REM2: variants seen among roughly 807,000 people sequenced by gnomAD.
The protein encoded by REM2 is RRAD and GEM like GTPase 2.
REM2 carries 24 observed loss-of-function variants against 24.4 expected under a neutral mutation model. That is an observed-to-expected ratio of 0.98 (90% CI 0.71 to 1.38). The LOEUF (loss-of-function observed/expected upper bound fraction) is 1.38. Among genes scored for constraint, REM2 ranks in the 40% most tolerant of loss-of-function variants. The pLI is 0.00. For missense variants in REM2, 429 were observed against 467.8 expected (o/e 0.92, Z 0.77); for synonymous variants, 187 against 198.0 (o/e 0.94, Z 0.47).
In REM2 at chr14:22,886,677, A is replaced by G. The variant is rs2040133042; in HGVS notation, c.791A>G (p.His264Arg). Residue 264 changes from histidine (H) to arginine (R), a missense_variant, in exon 5 of 5, where the codon CAC becomes CGC. By Grantham distance (29) the His-to-Arg change is conservative (BLOSUM62 0). Transcript: ENST00000267396. This position sits in a 1 kb window ranked among gnomAD's most constrained non-coding sequence, Gnocchi z 5.9. ...ATCGAGACGTCGGCCGCACTGCACC[A>G]CAACACGAGGGAGCTCTTCGAGGGC... is the stretch of plus-strand genomic sequence containing the variant. ...KHIETSAALH[H>R]NTRELFEGAV... The G allele has an allele frequency of 6.7e-7, 1 of 1,484,666 alleles. No homozygotes were observed. Among genetic ancestry groups the G allele is most frequent in the Admixed American group, 2.6e-5 (1 of 38,422 alleles). The allele number at this position is 1,484,666 out of a possible 1,614,324, so 92.0% of individuals were successfully genotyped here.
Position 22,886,482 on chromosome 14 carries a change from G to A in REM2, c.728-132G>A. The A allele has an allele frequency of 1.1e-6, 1 of 878,038 alleles. No individual in the cohort carries two copies. The highest frequency in any genetic ancestry group is 2.9e-5 in the Admixed American group (1 of 34,436). The allele number at this position is 878,038 out of a possible 1,614,324, so 54.4% of individuals were successfully genotyped here. On this transcript the variant is annotated intron_variant, in intron 4 of 4. Transcript: ENST00000267396. The surrounding 1 kb of genome is among the most constrained non-coding windows in gnomAD (Gnocchi z 5.9). ...TCCACAGACCCACCATATGAGCTCA[G>A]CCATGTTCTCTCGGTTGCAAGATTC...
Position 22,884,771 on chromosome 14 carries a change from C to G in REM2, c.201C>G (p.Gly67=). The change falls in exon 2 of 5, where the codon GGC becomes GGG. Residue 67 remains glycine, a synonymous_variant. Transcript: ENST00000267396. ...CCCCTGGGGCCCCCAGACGAAGAGG[C>G]AGTATGCCTGTCCCCTACAAGCACC... ...PSAPGAPRRR[G]SMPVPYKHQL... is the part of the protein sequence containing the mutation. 1.2e-6 allele frequency: 2 copies of G among 1,614,002 alleles called. No homozygotes were observed. Among genetic ancestry groups the G allele is most frequent in the Non-Finnish European group, 1.7e-6 (2 of 1,179,882 alleles).
chr14:22,886,599 G>T lies in REM2; in HGVS notation c.728-15G>T, dbSNP rs933058785. Reference sequence around the variant, plus strand: ...GTACAGCCCAGCGGGCGCCTGAGCCGGTGCCTTCCTGCAGAGGGCCGCCAC... The same window carrying T: ...GTACAGCCCAGCGGGCGCCTGAGCCTGTGCCTTCCTGCAGAGGGCCGCCAC... On this transcript the variant is annotated splice_polypyrimidine_tract_variant and intron_variant, in intron 4 of 4. Coordinates refer to ENST00000267396, the MANE Select transcript of REM2 (RefSeq NM_173527.3). The surrounding 1 kb of genome is among the most constrained non-coding windows in gnomAD (Gnocchi z 5.9). 6.9e-7 allele frequency: 1 copy of T among 1,444,698 alleles called. No homozygotes were observed. Among genetic ancestry groups the T allele is most frequent in the African/African-American group, 1.4e-5 (1 of 69,524 alleles). The allele number at this position is 1,444,698 out of a possible 1,614,324, so 89.5% of individuals were successfully genotyped here.
chr14:22,885,224 A>G (rs1344049425), intron 2 of REM2, 42 bp from the exon 3 acceptor site: 1 of 1,570,646 alleles, frequency 6.4e-7, no homozygotes, highest in Non-Finnish European at 8.8e-7. Context: ...ATGTTGGGAA[A>G]CCTCCTAATG....
chr14:22,884,531 T>G, intron 1 of REM2, 143 bp from the exon 2 acceptor site: 2 of 1,433,086 alleles, frequency 1.4e-6, no homozygotes, highest in Middle Eastern at 4.0e-4. Context: ...AGGCCAGACA[T>G]TCTCAGTTCC....
intron 2 of REM2, 55 bp from the exon 3 acceptor site, chr14:22,885,211 C>A (rs996668778): frequency 4.8e-5 from 74 of 1,539,208 alleles, no homozygotes; most frequent in Non-Finnish European, 6.4e-5. Flanking sequence ...CCAGGTCTCA[C>A]AAATGTTGGG....
Position 22,886,023 on chromosome 14 carries a change from G to GGGGGATGC in REM2, c.520_527dup (p.Gly178MetfsTer77). The GGGGGATGC allele has an allele frequency of 6.2e-7, 1 of 1,613,286 alleles. No homozygotes were observed. Among genetic ancestry groups the GGGGGATGC allele is most frequent in the Non-Finnish European group, 8.5e-7 (1 of 1,179,274 alleles). The stretch of plus-strand genomic sequence containing the variant: ...CCTAACGTTCCTCTGCCTGTCTGCA[G>GGGGGATGC]GGGGATGCAGGAGGGTGGCTGCGGG... On this transcript the variant is annotated frameshift_variant and splice_region_variant. Coordinates refer to ENST00000267396, the MANE Select transcript of REM2 (RefSeq NM_173527.3). LOFTEE classifies it high-confidence loss of function. This position sits in a 1 kb window ranked among gnomAD's most constrained non-coding sequence, Gnocchi z 5.9.
chr14:22,886,589 C>T lies in REM2; in HGVS notation c.728-25C>T. On this transcript the variant is annotated intron_variant, in intron 4 of 4. Transcript: ENST00000267396. The surrounding 1 kb of genome is among the most constrained non-coding windows in gnomAD (Gnocchi z 5.9). ...CCCGGGTCCCGTACAGCCCAGCGGG[C>T]GCCTGAGCCGGTGCCTTCCTGCAGA... 3 of 1,444,666 alleles carry T rather than the reference C, an allele frequency of 2.1e-6. No homozygotes were observed. The highest frequency in any genetic ancestry group is 2.9e-5 in the African/African-American group (2 of 69,576). The allele number at this position is 1,444,666 out of a possible 1,614,324, so 89.5% of individuals were successfully genotyped here.
In REM2 at chr14:22,886,023, G is replaced by C. The variant is rs199825150; in HGVS notation, c.520-1G>C. On this transcript the variant is annotated splice_acceptor_variant, in intron 3 of 4. Coordinates refer to ENST00000267396, the MANE Select transcript of REM2 (RefSeq NM_173527.3). LOFTEE classifies it high-confidence loss of function. This position sits in a 1 kb window ranked among gnomAD's most constrained non-coding sequence, Gnocchi z 5.9. ...CCTAACGTTCCTCTGCCTGTCTGCA[G>C]GGGGATGCAGGAGGGTGGCTGCGGG... 1.3e-4 allele frequency: 217 copies of C among 1,613,170 alleles called. No homozygotes were observed. Among genetic ancestry groups the C allele is most frequent in the Admixed American group, 3.3e-4 (20 of 60,000 alleles).
chr14:22,883,926 A>ATC (rs1380489303), intron 1 of REM2, among the ~76,000 whole-genome samples: 1 of 135,636 alleles, frequency 7.4e-6, no homozygotes, highest in African/African-American at 2.8e-5. Context: ...CACACACACT[A>ATC]TCTCTCTCTC....
At position 22,886,687 on chromosome 14, in the gene REM2, G is replaced by T. The variant is rs2040133205; in HGVS notation, c.801G>T (p.Arg267Ser). 1.3e-6 allele frequency: 2 copies of T among 1,498,746 alleles called. No individual in the cohort carries two copies. The highest frequency in any genetic ancestry group is 5.0e-5 in the East Asian group (2 of 39,938). The allele number at this position is 1,498,746 out of a possible 1,614,324, so 92.8% of individuals were successfully genotyped here. ...CGGCCGCACTGCACCACAACACGAG[G>T]GAGCTCTTCGAGGGCGCGGTGCGCC... Reference protein sequence around the residue: ...ETSAALHHNTRELFEGAVRQI... With the variant: ...ETSAALHHNTSELFEGAVRQI... Residue 267 changes from arginine to serine, a missense_variant, in exon 5 of 5, where the codon AGG becomes AGT. Physicochemically the swap from Arg to Ser is moderately radical, Grantham distance 110. Transcript: ENST00000267396. This position sits in a 1 kb window ranked among gnomAD's most constrained non-coding sequence, Gnocchi z 5.9.
At chr14:22,885,070 A>T (rs753613672) in intron 2 of REM2, 55 bp downstream of exon 2, 8 of 1,501,404 alleles carry the variant, frequency 5.3e-6, no homozygotes, top group Non-Finnish European at 6.2e-6. Context: ...TGGTCAGGGA[A>T]GGAAGTGCTC....
chr14:22,884,587 T>G (rs1479118000), intron 1 of REM2, 87 bp from the exon 2 acceptor site: 1 of 1,475,452 alleles, frequency 6.8e-7, no homozygotes, highest in African/African-American at 1.4e-5. Flanking sequence ...CCTCTGATAC[T>G]GGAACAGCCT....
intron 1 of REM2, 108 bp downstream of exon 1, chr14:22,883,498 AGAG>A (rs1168422513): frequency 1.1e-5 from 10 of 936,288 alleles, no homozygotes; most frequent in East Asian, 1.1e-4. Flanking sequence ...TCAGTCAGCA[AGAG>A]GAGAAGAGCA....
intron 1 of REM2, chr14:22,884,446 G>A: frequency 2.0e-6 from 2 of 985,398 alleles, no homozygotes; most frequent in Non-Finnish European, 2.4e-6. Flanking sequence ...TGAATAGGTT[G>A]GGGTTGGGAC....
In REM2 at chr14:22,886,282, C is replaced by A; in HGVS notation, c.727+51C>A. The A allele has an allele frequency of 6.7e-7, 1 of 1,494,842 alleles. No homozygotes were observed. The highest frequency in any genetic ancestry group is 9.2e-7 in the Non-Finnish European group (1 of 1,090,654). The allele number at this position is 1,494,842 out of a possible 1,614,324, so 92.6% of individuals were successfully genotyped here. On this transcript the variant is annotated intron_variant, in intron 4 of 4. Transcript: ENST00000267396. The surrounding 1 kb of genome is among the most constrained non-coding windows in gnomAD (Gnocchi z 5.9). ...CTTGCGATCTCAGGGGAATGCTCTC[C>A]CTTCCAAGTCACCTCTTCTCCCTAA...
chr14:22,884,972 T>G lies in REM2; in HGVS notation c.402T>G (p.Phe134Leu). Residue 134 changes from phenylalanine (F) to leucine (L), a missense_variant, in exon 2 of 5, where the codon TTT becomes TTG. Coordinates refer to ENST00000267396, the MANE Select transcript of REM2 (RefSeq NM_173527.3). The stretch of plus-strand genomic sequence containing the variant: ...GCAAGAGCACCCTAGCAGGCACTTT[T>G]GGTGGTCTCCAGGGAGACAGTGCTC... ...GVGKSTLAGT[F>L]GGLQGDSAHE... 6.4e-7 allele frequency: 1 copy of G among 1,568,138 alleles called. No individual in the cohort carries two copies. Among genetic ancestry groups the G allele is most frequent in the Non-Finnish European group, 8.7e-7 (1 of 1,154,184 alleles).
At chr14:22,883,730 G>A (rs1206434795) in intron 1 of REM2, among the ~76,000 whole-genome samples, 2 of 152,284 alleles carry the variant, frequency 1.3e-5, no homozygotes, top group Middle Eastern at 3.4e-3. Context: ...ATCACAGGCA[G>A]GGGCTACCCC....
chr14:22,885,749 A>G (rs1376488031), intron 3 of REM2, among the ~76,000 whole-genome samples: 1 of 152,258 alleles, frequency 6.6e-6, no homozygotes, highest in African/African-American at 2.4e-5. Flanking sequence ...CTATGTAGAA[A>G]TAAGAGGCCA....
Sources: gnomAD v4.1 joint callset for allele counts (sites outside exome capture counted in the v4.1 genomes callset) on GRCh38, gnomAD v4.1.1 for gene constraint, Gnocchi (gnomAD v3.1) non-coding constraint, MANE v1.5 for transcripts, NCBI Gene and HGNC (gene_info 2026-07-23, HGNC 2026-07-21) for gene names.